Variants in GUCY1A2 observed in about 807,000 individuals in gnomAD.
The protein encoded by GUCY1A2 is guanylate cyclase soluble subunit alpha-2.
A neutral mutation model predicts 63.5 loss-of-function variants in GUCY1A2; 27 were observed. The observed-to-expected ratio is 0.43, with a 90% CI of 0.31 to 0.59. GUCY1A2 has a LOEUF of 0.59. Ranked by LOEUF, GUCY1A2 falls within the 20% of genes least tolerant of loss-of-function variation. The probability of loss-of-function intolerance (pLI) is 0.11; values close to 1 mark genes in which losing one functional copy is unlikely to be tolerated. For missense variants in GUCY1A2, 768 were observed against 913.3 expected, an observed-to-expected ratio of 0.84 and a Z score of 2.05; for synonymous variants, 364 against 343.5, an observed-to-expected ratio of 1.06 and a Z score of -0.66.
intron 6 of GUCY1A2, among the ~76,000 whole-genome samples, chr11:106,765,093 CTTTT>C (rs1245277521): frequency 2.6e-5 from 4 of 151,572 alleles, no homozygotes; most frequent in African/African-American, 7.3e-5. Flanking sequence ...ACCCCAATGT[CTTTT>C]TTTATCTTTT....
At chr11:106,851,746 C>T (rs1859358614) in intron 4 of GUCY1A2, among the ~76,000 whole-genome samples, 1 of 151,864 alleles carries the variant, frequency 6.6e-6, no homozygotes, top group South Asian at 2.1e-4. Flanking sequence ...ATTACTCTTG[C>T]TTTGTAGTAT....
chr11:106,816,788 A>C (rs1601804), intron 4 of GUCY1A2, among the ~76,000 whole-genome samples: 142,024 of 151,666 alleles, frequency 0.94, 66,629 homozygotes, highest in East Asian at 1. Context: ...GATAATATAG[A>C]CATTACAAGA....
chr11:106,676,191 T>G lies in GUCY1A2; in HGVS notation c.*11358A>C, dbSNP rs1391942386. ...TAAATTCTTTAAATCTTGTTCAAGA[T>G]TTGTTCAAATTATTATAAAGTCAAT... On this transcript the variant is annotated 3_prime_UTR_variant, in exon 8 of 8. Transcript: ENST00000526355. 3 of 181,298 alleles carry G rather than the reference T, an allele frequency of 1.7e-5. No individual in the cohort carries two copies. In the East Asian group the frequency reaches 2.7e-4, roughly 16 times the overall value. 11.2% of individuals were successfully genotyped at this position (181,298 alleles called of 1,614,324 possible). A position where few individuals can be genotyped will look rare whatever the true frequency, so the allele number is the denominator to read the frequency against.
intron 7 of GUCY1A2, among the ~76,000 whole-genome samples, chr11:106,702,152 C>CT (rs1862827769): frequency 6.6e-6 from 1 of 152,096 alleles, no homozygotes; most frequent in East Asian, 1.9e-4. Context: ...CACACTCTTG[C>CT]TGTAAGGATT....
intron 6 of GUCY1A2, among the ~76,000 whole-genome samples, chr11:106,714,761 C>A (rs1863186309): frequency 6.6e-6 from 1 of 152,088 alleles, no homozygotes. Context: ...GGGAGAGGTG[C>A]TACTGGCATC....
At chr11:106,842,293 T>A (rs921330363) in intron 4 of GUCY1A2, among the ~76,000 whole-genome samples, 1 of 151,910 alleles carries the variant, frequency 6.6e-6, no homozygotes, top group Non-Finnish European at 1.5e-5. Flanking sequence ...CCTTAGTGGT[T>A]TCCTTAAGAT....
intron 6 of GUCY1A2, among the ~76,000 whole-genome samples, chr11:106,730,385 G>T (rs566633803): frequency 1.3e-5 from 2 of 151,924 alleles, no homozygotes; most frequent in Non-Finnish European, 2.9e-5. Context: ...TTCTGTTCCT[G>T]TGTTAGTTCA....
rs539441291 is a variant in GUCY1A2, at chr11:106,800,198, A to G, written c.1692+9795T>C. On this transcript the variant is annotated intron_variant, in intron 5 of 7. Coordinates refer to ENST00000526355, the MANE Select transcript of GUCY1A2 (RefSeq NM_000855.3). ...CAAAACCACAATGAGATACCATCTC[A>G]TACCAGTTAGAATGGCGATCATTAA... Among the ~76,000 whole-genome samples the G allele has an allele frequency of 1.4e-4, 22 of 152,350 alleles. No homozygotes were observed. In the South Asian group the frequency reaches 2.9e-3, roughly 20 times the overall value.
Position 106,939,961 on chromosome 11 carries a change from G to A in GUCY1A2, c.705C>T (p.Leu235=). 6.2e-7 allele frequency: 1 copy of A among 1,613,844 alleles called. No individual in the cohort carries two copies. The highest frequency in any genetic ancestry group is 8.5e-7 in the Non-Finnish European group (1 of 1,179,764). The change falls in exon 4 of 8, where the codon CTC becomes CTT. Residue 235 remains leucine (L), a synonymous_variant. Coordinates refer to ENST00000526355, the MANE Select transcript of GUCY1A2 (RefSeq NM_000855.3). ...GGTGAGGGTGGAAGTAGTGGAGCATGAGAGTACCTTCAGGGAGCTCTTTGC... is the reference window on the plus strand; with the variant it reads ...GGTGAGGGTGGAAGTAGTGGAGCATAAGAGTACCTTCAGGGAGCTCTTTGC... The part of the protein sequence containing the change: ...FLCKELPEGT[L]MLHYFHPHHI...
intron 4 of GUCY1A2, among the ~76,000 whole-genome samples, chr11:106,927,266 G>C (rs967654797): frequency 4.6e-5 from 7 of 151,372 alleles, no homozygotes; most frequent in African/African-American, 1.7e-4. Context: ...CCAGCTACTC[G>C]GGAGGTTGAG....
intron 6 of GUCY1A2, among the ~76,000 whole-genome samples, chr11:106,735,021 AG>A (rs1459943316): frequency 6.6e-5 from 10 of 152,186 alleles, no homozygotes; most frequent in South Asian, 6.2e-4. Context: ...GCTATATAGA[AG>A]GTATATATAT....
chr11:106,783,193 A>G (rs1172264295), intron 5 of GUCY1A2, among the ~76,000 whole-genome samples: 2 of 152,226 alleles, frequency 1.3e-5, no homozygotes, highest in African/African-American at 4.8e-5. Context: ...CAAGCCATGT[A>G]GATGAAAGAA....
At chr11:106,784,253 A>G (rs984675711) in intron 5 of GUCY1A2, among the ~76,000 whole-genome samples, 2 of 151,988 alleles carry the variant, frequency 1.3e-5, no homozygotes, top group African/African-American at 4.8e-5. Flanking sequence ...CATACCAGCT[A>G]TTGCCTGAGT....
At chr11:107,014,982 T>A (rs1220331266) in intron 1 of GUCY1A2, among the ~76,000 whole-genome samples, 1 of 152,216 alleles carries the variant, frequency 6.6e-6, no homozygotes, top group African/African-American at 2.4e-5. Context: ...CAAAGAAGTT[T>A]CAAATCCTGA....
At chr11:106,726,655 A>C (rs1863413560) in intron 6 of GUCY1A2, among the ~76,000 whole-genome samples, 1 of 152,162 alleles carries the variant, frequency 6.6e-6, no homozygotes. Context: ...TTAGAGACAC[A>C]TGTAGGAGAA....
At chr11:106,898,668 A>G (rs1232249609) in intron 4 of GUCY1A2, among the ~76,000 whole-genome samples, 1 of 152,196 alleles carries the variant, frequency 6.6e-6, no homozygotes, top group Non-Finnish European at 1.5e-5. Context: ...GAGACAGTAA[A>G]AAGGTCAATA....
chr11:106,819,142 T>G (rs1858868700), intron 4 of GUCY1A2, among the ~76,000 whole-genome samples: 2 of 152,170 alleles, frequency 1.3e-5, no homozygotes, highest in South Asian at 2.1e-4. Context: ...TGCAATCTCA[T>G]GATAAAACTT....
intron 6 of GUCY1A2, among the ~76,000 whole-genome samples, chr11:106,725,046 A>AAAT (rs1863380738): frequency 6.6e-6 from 1 of 152,162 alleles, no homozygotes; most frequent in Non-Finnish European, 1.5e-5. Flanking sequence ...CACTGTGCAG[A>AAAT]AATAATTAGG....
At chr11:106,694,632 G>A (rs970923711) in intron 7 of GUCY1A2, among the ~76,000 whole-genome samples, 7 of 152,252 alleles carry the variant, frequency 4.6e-5, no homozygotes, top group African/African-American at 1.2e-4. Flanking sequence ...CTGGTGACAC[G>A]TTAGTCTAAC....
Sources: gnomAD v4.1 joint callset for allele counts (sites outside exome capture counted in the v4.1 genomes callset) on GRCh38, gnomAD v4.1.1 for gene constraint, MANE v1.5 for transcripts, NCBI Gene and HGNC (gene_info 2026-07-23, HGNC 2026-07-21) for gene names.